Variants in NKAIN2 observed in about 807,000 individuals in gnomAD.
NKAIN2 encodes sodium/potassium-transporting ATPase subunit beta-1-interacting protein 2.
NKAIN2 carries 14 observed loss-of-function variants against 32.6 expected under a neutral mutation model. That is an observed-to-expected ratio of 0.43 (90% CI 0.28 to 0.67). The LOEUF is 0.67. NKAIN2 is among the 30% of genes least tolerant of loss of function. The pLI, the probability that NKAIN2 is intolerant of heterozygous loss-of-function variation, is 0.17. For missense variants in NKAIN2, 198 were observed against 258.3 expected (o/e 0.77, Z 1.60); for synonymous variants, 80 against 87.2 (o/e 0.92, Z 0.46).
intron 1 of NKAIN2, among the ~76,000 whole-genome samples, chr6:123,967,203 A>G (rs1356419977): frequency 6.6e-6 from 1 of 152,180 alleles, no homozygotes; most frequent in Non-Finnish European, 1.5e-5. Context: ...CTGTTAGCTC[A>G]GGCTTTATCA....
At chr6:123,890,331 C>G (rs1048626248) in intron 1 of NKAIN2, among the ~76,000 whole-genome samples, 9 of 151,780 alleles carry the variant, frequency 5.9e-5, no homozygotes, top group Admixed American at 5.3e-4. Context: ...AGCACATTCT[C>G]TATTTATAGT....
At chr6:123,852,412 A>G (rs1490585852) in intron 1 of NKAIN2, among the ~76,000 whole-genome samples, 1 of 152,158 alleles carries the variant, frequency 6.6e-6, no homozygotes, top group Non-Finnish European at 1.5e-5. Flanking sequence ...GTTCAACTGA[A>G]ATTTTGCATC....
At chr6:123,977,371 G>A (rs1211818394) in intron 1 of NKAIN2, among the ~76,000 whole-genome samples, 4 of 152,086 alleles carry the variant, frequency 2.6e-5, no homozygotes. Flanking sequence ...TGATCATGCT[G>A]CTGCACTCCA....
intron 3 of NKAIN2, chr6:124,490,302 A>G (rs1383610386): frequency 9.8e-6 from 4 of 409,026 alleles, no homozygotes; most frequent in Non-Finnish European, 1.9e-5. Flanking sequence ...TGTCATCACC[A>G]CCAATTAGAG....
chr6:124,229,671 T>C (rs992164612), intron 1 of NKAIN2, among the ~76,000 whole-genome samples: 10 of 152,154 alleles, frequency 6.6e-5, no homozygotes, highest in Admixed American at 6.6e-4. Context: ...TGGAAGTGGG[T>C]CTTTGCCATG....
At chr6:124,658,420 C>T (rs761374041) in intron 4 of NKAIN2, 34 bp downstream of exon 4, 3 of 1,613,948 alleles carry the variant, frequency 1.9e-6, no homozygotes, top group African/African-American at 1.3e-5. Flanking sequence ...CCTTCTAGTG[C>T]CTCTGGGGTT....
rs1010746589 is a variant in NKAIN2 at position 124,538,877 on chromosome 6, G to A, written c.274-119309G>A. 3.3e-5 allele frequency among the ~76,000 whole-genome samples: 5 copies of A among 152,090 alleles called. No homozygotes were observed. In the South Asian group the frequency reaches 1.0e-3, roughly 32 times the overall value. On this transcript the variant is annotated intron_variant, in intron 3 of 6. Coordinates refer to ENST00000368417, the MANE Select transcript of NKAIN2 (RefSeq NM_001040214.3). ...ATTGTATTTTTCGTTTTCAAAATATGTAATTGCATATGTTCATAGTCAGTT... is the reference window on the plus strand; with the variant it reads ...ATTGTATTTTTCGTTTTCAAAATATATAATTGCATATGTTCATAGTCAGTT...
chr6:124,500,689 AAAAT>A (rs1238661026), intron 3 of NKAIN2, among the ~76,000 whole-genome samples: 24 of 151,530 alleles, frequency 1.6e-4, no homozygotes, highest in South Asian at 6.2e-4. Context: ...AATAAATAAT[AAAAT>A]AAATAAAATA....
chr6:124,380,340 A>G (rs1772575107), intron 3 of NKAIN2, among the ~76,000 whole-genome samples: 1 of 152,234 alleles, frequency 6.6e-6, no homozygotes, highest in Non-Finnish European at 1.5e-5. Flanking sequence ...TTTAGCAGCA[A>G]GACAATATTT....
intron 3 of NKAIN2, 27 bp downstream of exon 3, chr6:124,355,374 C>T (rs769271964): frequency 3.1e-6 from 4 of 1,297,150 alleles, no homozygotes; most frequent in Non-Finnish European, 1.1e-6. Flanking sequence ...TTGCCTGAGT[C>T]ATCAGTAGGG....
At chr6:124,104,789 T>G (rs1785041868) in intron 1 of NKAIN2, among the ~76,000 whole-genome samples, 1 of 152,222 alleles carries the variant, frequency 6.6e-6, no homozygotes, top group Non-Finnish European at 1.5e-5. Flanking sequence ...TGCACAGCAT[T>G]AATCTATAAT....
At chr6:124,743,858 C>A (rs968636762) in intron 4 of NKAIN2, among the ~76,000 whole-genome samples, 7 of 151,730 alleles carry the variant, frequency 4.6e-5, no homozygotes, top group Admixed American at 2.6e-4. Context: ...TCAAGAGATT[C>A]ACTAAATTTA....
intron 2 of NKAIN2, among the ~76,000 whole-genome samples, chr6:124,320,945 A>T (rs1583044077): frequency 6.6e-6 from 1 of 152,302 alleles, no homozygotes; most frequent in East Asian, 1.9e-4. Context: ...TTTAATCTGT[A>T]ATTATCCCGG....
intron 4 of NKAIN2, among the ~76,000 whole-genome samples, chr6:124,688,389 C>T (rs1439294845): frequency 6.6e-6 from 1 of 151,978 alleles, no homozygotes; most frequent in Non-Finnish European, 1.5e-5. Flanking sequence ...CCCAAGTACC[C>T]CTGCCCCTCC....
intron 4 of NKAIN2, among the ~76,000 whole-genome samples, chr6:124,749,540 A>G (rs1023172494): frequency 2.0e-5 from 3 of 151,986 alleles, no homozygotes; most frequent in Non-Finnish European, 4.4e-5. Flanking sequence ...TCCTAATCTT[A>G]TATGAGCACT....
intron 3 of NKAIN2, among the ~76,000 whole-genome samples, chr6:124,578,303 T>C (rs1194759398): frequency 6.6e-6 from 1 of 151,758 alleles, no homozygotes; most frequent in Non-Finnish European, 1.5e-5. Flanking sequence ...GGAAAGAATT[T>C]CTGGACCTGC....
intron 1 of NKAIN2, among the ~76,000 whole-genome samples, chr6:124,055,003 T>C (rs1174751035): frequency 3.3e-5 from 5 of 152,122 alleles, no homozygotes; most frequent in African/African-American, 1.2e-4. Context: ...CTATTGGATA[T>C]GTGTTTCAGC....
At chr6:124,809,577 G>A (rs1001831702) in intron 5 of NKAIN2, among the ~76,000 whole-genome samples, 8 of 150,632 alleles carry the variant, frequency 5.3e-5, no homozygotes, top group East Asian at 2.0e-4. Context: ...GCATGGGCAA[G>A]GACTTCATGT....
chr6:123,911,547 C>A (rs1775177411), intron 1 of NKAIN2, among the ~76,000 whole-genome samples: 1 of 152,028 alleles, frequency 6.6e-6, no homozygotes, highest in South Asian at 2.1e-4. Context: ...TCCCATCAGG[C>A]CCCACCTTCA....
Sources: allele counts gnomAD v4.1 joint callset (sites outside exome capture counted in the v4.1 genomes callset), GRCh38; gene constraint gnomAD v4.1.1; transcripts MANE v1.5; gene names NCBI Gene and HGNC (gene_info 2026-07-23, HGNC 2026-07-21).